Variants in FBXO11 observed in about 807,000 individuals in gnomAD.
The protein encoded by FBXO11 is F-box only protein 11.
In FBXO11, 13 loss-of-function variants were observed where a neutral mutation model predicts 117.0. The observed-to-expected ratio is 0.11, with a 90% confidence interval of 0.07 to 0.18. The LOEUF is 0.18. Ranked by LOEUF, FBXO11 falls within the 10% of genes least tolerant of loss-of-function variation. The pLI is 1.00. For synonymous variants in FBXO11, 490 were observed against 380.5 expected (o/e 1.29, Z -3.35); for missense variants, 767 against 1,164.4 (o/e 0.66, Z 4.97).
At chr2:47,844,786 G>A (rs938543240) in intron 1 of FBXO11, among the ~76,000 whole-genome samples, 4 of 151,994 alleles carry the variant, frequency 2.6e-5, no homozygotes, top group Non-Finnish European at 5.9e-5. Flanking sequence ...AGGTGTGCAC[G>A]CCACCATGCC....
chr2:47,841,687 C>T (rs977676481), intron 1 of FBXO11, among the ~76,000 whole-genome samples: 1 of 152,152 alleles, frequency 6.6e-6, no homozygotes, highest in Non-Finnish European at 1.5e-5. Flanking sequence ...TGTCGCCAGG[C>T]TGGAGTGCAG....
rs1553364350 is a variant in FBXO11 at position 47,905,572 on chromosome 2, T to TGCTGCG, written c.148_149insCGCAGC (p.Pro49_Gln50insProGln). The TGCTGCG allele has an allele frequency of 6.7e-6, 8 of 1,192,950 alleles. No homozygotes were observed. Among genetic ancestry groups the TGCTGCG allele is most frequent in the Non-Finnish European group, 8.4e-6 (8 of 949,704 alleles). 73.9% of individuals were successfully genotyped at this position (1,192,950 alleles called of 1,614,324 possible). A position where few individuals can be genotyped will look rare whatever the true frequency, so the allele number is the denominator to read the frequency against. ...CGGAGGCTGCTGCTGCTGCTGCTGC[T>TGCTGCG]GCGGCGGCGGCGGAGGCTGCTGCTG... is the stretch of plus-strand genomic sequence containing the variant. On this transcript the variant is annotated inframe_insertion, in exon 1 of 23. Coordinates refer to ENST00000403359, the MANE Select transcript of FBXO11 (RefSeq NM_001190274.2).
At chr2:47,860,949 T>C (rs141546014) in intron 1 of FBXO11, among the ~76,000 whole-genome samples, 11,003 of 149,592 alleles carry the variant, frequency 0.074, 554 homozygotes, top group Non-Finnish European at 0.11. Context: ...CGGGTTCAAG[T>C]GATTCTCCTG....
At chr2:47,842,156 C>T (rs1230424686) in intron 1 of FBXO11, among the ~76,000 whole-genome samples, 1 of 151,638 alleles carries the variant, frequency 6.6e-6, no homozygotes, top group African/African-American at 2.4e-5. Flanking sequence ...GCTGGGACTA[C>T]AGGTGCACGC....
Position 47,823,124 on chromosome 2 carries a change from C to T in FBXO11, c.1616+19G>A. The T allele has an allele frequency of 3.2e-6, 5 of 1,548,932 alleles. No individual in the cohort carries two copies. Among genetic ancestry groups the T allele is most frequent in the Non-Finnish European group, 4.4e-6 (5 of 1,137,192 alleles). On this transcript the variant is annotated intron_variant, in intron 12 of 22. Transcript: ENST00000403359. ...TTGAAGTGAAAAAGTAATTTTCACC[C>T]ATAATTATATGTAAATACCTTATTG... is the stretch of plus-strand genomic sequence containing the variant.
rs547029129 is a variant in FBXO11, at chr2:47,850,347, A to G, written c.233-10578T>C. Among the ~76,000 whole-genome samples, 32 of 152,294 alleles carry G rather than the reference A, an allele frequency of 2.1e-4. 1 individual carries two copies. The highest frequency in any genetic ancestry group is 7.7e-4 in the African/African-American group (32 of 41,568). On this transcript the variant is annotated intron_variant, in intron 1 of 22. Transcript: ENST00000403359. Reference sequence around the variant, plus strand: ...TTCAAGTGGAAATGCCCAACATAAAACTAAATATGTAGATCTCAAGCATTA... The same window carrying G: ...TTCAAGTGGAAATGCCCAACATAAAGCTAAATATGTAGATCTCAAGCATTA...
In FBXO11 at chr2:47,824,544, A is replaced by T. The variant is rs528732826; in HGVS notation, c.1399-1184T>A. On this transcript the variant is annotated intron_variant, in intron 11 of 22. Transcript: ENST00000403359. ...GTCTTAAAATAAGAGCAATTTTTTT[A>T]AAAAGTTCACCTTAGCCCATTAATA... 1.4e-4 allele frequency among the ~76,000 whole-genome samples: 21 copies of T among 152,336 alleles called. No individual in the cohort carries two copies. In the South Asian group the frequency reaches 4.3e-3, roughly 32 times the overall value.
intron 1 of FBXO11, among the ~76,000 whole-genome samples, chr2:47,853,005 G>A (rs999749140): frequency 6.6e-6 from 1 of 152,094 alleles, no homozygotes; most frequent in African/African-American, 2.4e-5. Flanking sequence ...TATTTATTAG[G>A]AGTATATTAG....
At chr2:47,898,797 C>A (rs550658158) in intron 1 of FBXO11, among the ~76,000 whole-genome samples, 1 of 152,140 alleles carries the variant, frequency 6.6e-6, no homozygotes, top group Non-Finnish European at 1.5e-5. Flanking sequence ...ATTGCATCCC[C>A]TGAAAGTTAT....
intron 1 of FBXO11, among the ~76,000 whole-genome samples, chr2:47,869,884 C>A (rs58692572): frequency 6.6e-6 from 1 of 152,128 alleles, no homozygotes; most frequent in Non-Finnish European, 1.5e-5. Context: ...ACCATGTTGG[C>A]CAGGCTAGTC....
At chr2:47,892,172 T>C (rs1677303637) in intron 1 of FBXO11, among the ~76,000 whole-genome samples, 1 of 152,200 alleles carries the variant, frequency 6.6e-6, no homozygotes, top group South Asian at 2.1e-4. Flanking sequence ...AGGTGTTGTA[T>C]CCATGAAATC....
At chr2:47,863,742 A>G (rs149432640) in intron 1 of FBXO11, among the ~76,000 whole-genome samples, 106 of 152,254 alleles carry the variant, frequency 7.0e-4, no homozygotes, top group African/African-American at 2.5e-3. Context: ...GGAGTTTGAG[A>G]CCAGCCTGGC....
intron 19 of FBXO11, 97 bp downstream of exon 19, chr2:47,810,217 GCA>G (rs1670521761): frequency 2.7e-6 from 2 of 742,968 alleles, no homozygotes; most frequent in African/African-American, 1.8e-5. Flanking sequence ...AGCACACTTT[GCA>G]CATTTTAGTT....
At chr2:47,902,127 G>C (rs553530840) in intron 1 of FBXO11, among the ~76,000 whole-genome samples, 2 of 152,312 alleles carry the variant, frequency 1.3e-5, no homozygotes, top group South Asian at 2.1e-4. Context: ...GTTAAGACGA[G>C]GTTTCACTAC....
At chr2:47,876,411 A>G (rs910733320) in intron 1 of FBXO11, among the ~76,000 whole-genome samples, 1 of 152,170 alleles carries the variant, frequency 6.6e-6, no homozygotes, top group Admixed American at 6.5e-5. Flanking sequence ...TTCTTGCTGA[A>G]GTACAATCTT....
chr2:47,818,873 T>TAAAA lies in FBXO11; in HGVS notation c.1921-13_1921-10dup. On this transcript the variant is annotated splice_polypyrimidine_tract_variant and intron_variant, in intron 15 of 22. Coordinates refer to ENST00000403359, the MANE Select transcript of FBXO11 (RefSeq NM_001190274.2). ...TAAAAATAAACACCAACCTAAAATT[T>TAAAA]AAAAAAAAAAAAAAAGCTTTTTCAA... 2 of 1,417,874 alleles carry TAAAA rather than the reference T, an allele frequency of 1.4e-6. No individual in the cohort carries two copies. Among genetic ancestry groups the TAAAA allele is most frequent in the South Asian group, 1.3e-5 (1 of 78,114 alleles). 87.8% of individuals were successfully genotyped at this position (1,417,874 alleles called of 1,614,324 possible).
At chr2:47,810,682 C>CTCA (rs781082759) in intron 18 of FBXO11, 39 of 339,906 alleles carry the variant, frequency 1.1e-4, no homozygotes, top group Non-Finnish European at 1.5e-4. Context: ...TCTAAGTTTA[C>CTCA]TCAGCACTTC....
At chr2:47,844,530 G>C (rs769989934) in intron 1 of FBXO11, among the ~76,000 whole-genome samples, 35 of 152,102 alleles carry the variant, frequency 2.3e-4, no homozygotes, top group Non-Finnish European at 4.0e-4. Flanking sequence ...AGCAACACTA[G>C]CTCCCGCTTA....
chr2:47,836,913 T>A (rs901671443), intron 4 of FBXO11: 2 of 374,474 alleles, frequency 5.3e-6, no homozygotes, highest in Non-Finnish European at 1.0e-5. Flanking sequence ...TTTTTGATTT[T>A]TTTTTGTAGA....
Sources: allele counts gnomAD v4.1 joint callset (sites outside exome capture counted in the v4.1 genomes callset), GRCh38; gene constraint gnomAD v4.1.1; transcripts MANE v1.5; gene names NCBI Gene and HGNC (gene_info 2026-07-23, HGNC 2026-07-21).